Variants in RORA observed in about 807,000 individuals in gnomAD.
RORA encodes the protein RAR related orphan receptor A, also known as nuclear receptor ROR-alpha.
Under a neutral mutation model 69.5 loss-of-function variants are expected in RORA, and 7 were observed. That is an observed-to-expected ratio of 0.10 (90% CI 0.06 to 0.19). The LOEUF is 0.19. RORA is among the 10% of genes least tolerant of loss of function. The pLI, the probability that RORA is intolerant of heterozygous loss-of-function variation, is 1.00. For missense variants in RORA, 457 were observed against 663.0 expected, an observed-to-expected ratio of 0.69 and a Z score of 3.41; for synonymous variants, 261 against 240.8, an observed-to-expected ratio of 1.08 and a Z score of -0.78.
intron 1 of RORA, among the ~76,000 whole-genome samples, chr15:61,056,759 C>T (rs2078102544): frequency 6.6e-6 from 1 of 152,304 alleles, no homozygotes; most frequent in Non-Finnish European, 1.5e-5. Flanking sequence ...TAGACAGGGC[C>T]TATTTTAACA....
At chr15:61,146,273 T>C (rs2079347607) in intron 1 of RORA, among the ~76,000 whole-genome samples, 1 of 152,098 alleles carries the variant, frequency 6.6e-6, no homozygotes, top group African/African-American at 2.4e-5. Context: ...CAATAGAAAT[T>C]GCTGTTTCTC....
At chr15:60,726,358 G>T in intron 1 of RORA, among the ~76,000 whole-genome samples, 1 of 152,172 alleles carries the variant, frequency 6.6e-6, no homozygotes, top group Non-Finnish European at 1.5e-5. Flanking sequence ...TGCGTTCTTT[G>T]TTGTCTCGGG....
At chr15:60,679,667 TG>T (rs775950763) in intron 1 of RORA, among the ~76,000 whole-genome samples, 31 of 152,266 alleles carry the variant, frequency 2.0e-4, no homozygotes, top group Non-Finnish European at 4.6e-4. Context: ...TAAAAGTTGT[TG>T]AAAAATTTGG....
chr15:60,860,612 T>C (rs2073428025), intron 1 of RORA, among the ~76,000 whole-genome samples: 1 of 152,220 alleles, frequency 6.6e-6, no homozygotes, highest in South Asian at 2.1e-4. Context: ...AGAGATATTG[T>C]TGAAATCCAA....
At chr15:60,726,063 A>G (rs948170809) in intron 1 of RORA, among the ~76,000 whole-genome samples, 44 of 152,168 alleles carry the variant, frequency 2.9e-4, no homozygotes, top group Admixed American at 1.3e-3. Flanking sequence ...ACATCTGCAT[A>G]ACCCTCAGAT....
intron 2 of RORA, among the ~76,000 whole-genome samples, chr15:60,670,003 C>G (rs1335331657): frequency 6.6e-6 from 1 of 152,168 alleles, no homozygotes; most frequent in African/African-American, 2.4e-5. Context: ...CTGCCTGGCT[C>G]CCTGCCCTAT....
chr15:60,878,548 T>C lies in RORA; in HGVS notation c.167-199862A>G, dbSNP rs78364578. Among the ~76,000 whole-genome samples, 144 of 152,266 alleles carry C rather than the reference T, an allele frequency of 9.5e-4. 1 individual carries two copies. The East Asian group carries it at 0.025, about 26-fold the overall frequency. ...TGAAACCACCTTGATCTTTTGAGGC[T>C]CCGCCTGCTCGCCCTGCAGTGGCTG... On this transcript the variant is annotated intron_variant, in intron 1 of 10. Transcript: ENST00000335670.
At position 60,493,044 on chromosome 15, in the gene RORA, CGTT is replaced by C. The variant is rs540982325; in HGVS notation, c.*4408_*4410del. On this transcript the variant is annotated 3_prime_UTR_variant, in exon 11 of 11. Coordinates refer to ENST00000335670, the MANE Select transcript of RORA (RefSeq NM_134261.3). The stretch of plus-strand genomic sequence containing the variant: ...AACTCCAAAATGATAGGGCTTCTAT[CGTT>C]GATACCAAGATGGATTGTCATTCAC... 1.2e-3 allele frequency: 185 copies of C among 152,190 alleles called. No individual in the cohort carries two copies. Among genetic ancestry groups the C allele is most frequent in the African/African-American group, 4.2e-3 (176 of 41,500 alleles). 9.4% of individuals were successfully genotyped at this position (152,190 alleles called of 1,614,324 possible). A position where few individuals can be genotyped will look rare whatever the true frequency, so the allele number is the denominator to read the frequency against.
chr15:61,126,355 C>A (rs2079142485), intron 1 of RORA, among the ~76,000 whole-genome samples: 1 of 152,096 alleles, frequency 6.6e-6, no homozygotes, highest in Non-Finnish European at 1.5e-5. Flanking sequence ...ACTTACACAC[C>A]TTTTTTTGTA....
chr15:61,141,302 C>T (rs768890083), intron 1 of RORA, among the ~76,000 whole-genome samples: 6 of 152,030 alleles, frequency 3.9e-5, no homozygotes, highest in African/African-American at 1.2e-4. Flanking sequence ...AGCTTGTAAT[C>T]GATGTAGAAT....
chr15:61,091,506 A>G (rs569441029), intron 1 of RORA, among the ~76,000 whole-genome samples: 1 of 152,222 alleles, frequency 6.6e-6, no homozygotes, highest in African/African-American at 2.4e-5. Flanking sequence ...ACACACTCCC[A>G]CTTCCCAGGG....
chr15:60,933,340 C>G (rs1892427909), intron 1 of RORA, among the ~76,000 whole-genome samples: 1 of 152,218 alleles, frequency 6.6e-6, no homozygotes. Flanking sequence ...CACTCACTCT[C>G]CCTAAATGTA....
At chr15:60,692,994 C>CA (rs529385737) in intron 1 of RORA, among the ~76,000 whole-genome samples, 104 of 152,110 alleles carry the variant, frequency 6.8e-4, no homozygotes, top group African/African-American at 2.1e-3. Flanking sequence ...AAAAATACAA[C>CA]AAAAAAAGAA....
At chr15:60,520,791 AT>A (rs1250187991) in intron 3 of RORA, among the ~76,000 whole-genome samples, 1 of 152,200 alleles carries the variant, frequency 6.6e-6, no homozygotes, top group Non-Finnish European at 1.5e-5. Flanking sequence ...CAATTTTGTT[AT>A]TTCTAAAAGA....
At chr15:61,214,863 C>CT (rs34041868) in intron 1 of RORA, among the ~76,000 whole-genome samples, 48,170 of 106,978 alleles carry the variant, frequency 0.45, 13,064 homozygotes, top group African/African-American at 0.57. Flanking sequence ...CCTTCTTGGA[C>CT]TTTTTTTTTT....
chr15:61,021,509 T>C (rs1164501707), intron 1 of RORA, among the ~76,000 whole-genome samples: 1 of 152,186 alleles, frequency 6.6e-6, no homozygotes, highest in African/African-American at 2.4e-5. Context: ...AGGATTATTC[T>C]AGCAATCGTA....
chr15:60,504,432 A>C (rs2065431611), intron 6 of RORA, among the ~76,000 whole-genome samples: 1 of 152,100 alleles, frequency 6.6e-6, no homozygotes, highest in Admixed American at 6.5e-5. Flanking sequence ...CGGTACTCCC[A>C]GCTACTTGGG....
chr15:61,216,543 G>C (rs1274052991), intron 1 of RORA, among the ~76,000 whole-genome samples: 1 of 152,020 alleles, frequency 6.6e-6, no homozygotes, highest in African/African-American at 2.4e-5. Context: ...GGAAGGGAGG[G>C]CAAGGAATGA....
intron 1 of RORA, among the ~76,000 whole-genome samples, chr15:60,723,311 GA>G (rs1433408842): frequency 6.6e-6 from 1 of 151,848 alleles, no homozygotes; most frequent in East Asian, 1.9e-4. Context: ...TGCTGAAAGA[GA>G]AAAATAGACT....
Sources: allele counts gnomAD v4.1 joint callset (sites outside exome capture counted in the v4.1 genomes callset), GRCh38; gene constraint gnomAD v4.1.1; transcripts MANE v1.5; gene names NCBI Gene and HGNC (gene_info 2026-07-23, HGNC 2026-07-21).